The following GATA4 variants were observed in gnomAD, a reference collection of about 807,000 sequenced individuals.
GATA4 encodes the protein GATA binding protein 4.
In GATA4, 7 loss-of-function variants were observed where a neutral mutation model predicts 37.9. The observed-to-expected ratio is 0.18, with a 90% CI of 0.11 to 0.35. The LOEUF (loss-of-function observed/expected upper bound fraction) is 0.35, where lower values mean the gene tolerates loss of function less well. Ranked by LOEUF, GATA4 falls within the 10% of genes least tolerant of loss-of-function variation. GATA4 has a pLI of 1.00. For missense variants in GATA4, 647 were observed against 653.0 expected, an observed-to-expected ratio of 0.99 and a Z score of 0.10; for synonymous variants, 372 against 292.6, an observed-to-expected ratio of 1.27 and a Z score of -2.77.
At chr8:11,697,094 G>A (rs1020363360) in intron 1 of GATA4, among the ~76,000 whole-genome samples, 5 of 152,198 alleles carry the variant, frequency 3.3e-5, no homozygotes, top group African/African-American at 1.2e-4. Flanking sequence ...TAGGTGCGGA[G>A]GGCTCCATTT....
chr8:11,713,882 G>A (rs1272731848), intron 2 of GATA4, among the ~76,000 whole-genome samples: 7 of 152,202 alleles, frequency 4.6e-5, no homozygotes, highest in African/African-American at 1.7e-4. Context: ...GGACGTAGCC[G>A]GAGAACGTAG....
intron 2 of GATA4, among the ~76,000 whole-genome samples, chr8:11,729,687 C>T (rs1176678406): frequency 1.3e-5 from 2 of 152,178 alleles, no homozygotes; most frequent in African/African-American, 4.8e-5. Flanking sequence ...ATAAGTGAAT[C>T]ATTCCAGCTT....
intron 1 of GATA4, chr8:11,680,401 G>T: frequency 1.2e-6 from 1 of 864,138 alleles, no homozygotes; most frequent in Non-Finnish European, 1.4e-6. Flanking sequence ...CCACTTTCCC[G>T]CCCTCGGCCC....
intron 1 of GATA4, among the ~76,000 whole-genome samples, chr8:11,677,224 A>G (rs933960344): frequency 1.3e-5 from 2 of 152,150 alleles, no homozygotes; most frequent in African/African-American, 4.8e-5. Flanking sequence ...CGTGGGGCCG[A>G]GGCGGAGGCT....
At chr8:11,689,064 C>A (rs182270568), upstream of GATA4, among the ~76,000 whole-genome samples, 2 of 152,254 alleles carry the variant, frequency 1.3e-5, no homozygotes, top group Admixed American at 1.3e-4. Flanking sequence ...AACAAAGCAG[C>A]GGCAAATCCA....
upstream of GATA4, among the ~76,000 whole-genome samples, chr8:11,688,520 G>A (rs1288272538): frequency 6.4e-5 from 7 of 109,526 alleles, no homozygotes; most frequent in Admixed American, 9.9e-5. Context: ...GCGCGTGCGC[G>A]CATGCACACA....
chr8:11,688,080 G>C (rs1799197300), upstream of GATA4, among the ~76,000 whole-genome samples: 1 of 152,150 alleles, frequency 6.6e-6, no homozygotes, highest in African/African-American at 2.4e-5. Context: ...TATAGATTCA[G>C]CAGATAAGTA....
intron 1 of GATA4, among the ~76,000 whole-genome samples, chr8:11,704,926 G>A (rs1332667900): frequency 1.3e-5 from 2 of 152,364 alleles, no homozygotes; most frequent in African/African-American, 4.8e-5. Context: ...CACCCCACCT[G>A]CCCGCGCTGC....
chr8:11,729,769 T>G (rs2130195043), intron 2 of GATA4, among the ~76,000 whole-genome samples: 1 of 152,330 alleles, frequency 6.6e-6, no homozygotes, highest in Middle Eastern at 3.4e-3. Flanking sequence ...AATTTCCGCC[T>G]GGAAATGCAT....
At chr8:11,734,674 A>AT (rs1001116882) in intron 2 of GATA4, among the ~76,000 whole-genome samples, 1 of 152,042 alleles carries the variant, frequency 6.6e-6, no homozygotes, top group Non-Finnish European at 1.5e-5. Flanking sequence ...TTTAGTAGAG[A>AT]TGGGGGGGTT....
chr8:11,723,906 C>A (rs547754143), intron 2 of GATA4, among the ~76,000 whole-genome samples: 110 of 152,308 alleles, frequency 7.2e-4, no homozygotes, highest in Admixed American at 3.1e-3. Flanking sequence ...AACCATCACC[C>A]CCAGCAGTCT....
At position 11,758,393 on chromosome 8, in the gene GATA4, A is replaced by C. The variant is rs575307727; in HGVS notation, c.1250A>C (p.Gln417Pro). ...SPQGYASPVS[Q>P]SPQTSSKQDS... Reference sequence around the variant, plus strand: ...CAAGGCTATGCGTCTCCCGTCAGCCAGTCTCCACAGACCAGCTCCAAGCAG... The same window carrying C: ...CAAGGCTATGCGTCTCCCGTCAGCCCGTCTCCACAGACCAGCTCCAAGCAG... The change falls in exon 7 of 7, where the codon CAG (glutamine) becomes CCG (proline). Residue 417 changes from glutamine to proline, a missense_variant. Coordinates refer to ENST00000532059, the MANE Select transcript of GATA4 (RefSeq NM_001308093.3). 14 of 1,614,182 alleles carry C rather than the reference A, an allele frequency of 8.7e-6. No homozygotes were observed. In the South Asian group the frequency reaches 1.5e-4, roughly 18 times the overall value.
At chr8:11,715,404 AG>A (rs1800392445) in intron 2 of GATA4, among the ~76,000 whole-genome samples, 1 of 152,234 alleles carries the variant, frequency 6.6e-6, no homozygotes. Flanking sequence ...TTTAATAACA[AG>A]AAAATACATT....
chr8:11,748,213 C>T (rs913505643), intron 2 of GATA4, among the ~76,000 whole-genome samples: 1 of 151,862 alleles, frequency 6.6e-6, no homozygotes, highest in Non-Finnish European at 1.5e-5. Context: ...AGTGAAACTC[C>T]GTCTCAAAAA....
upstream of GATA4, chr8:11,692,038 C>T (rs1325147970): frequency 1.0e-6 from 1 of 985,324 alleles, no homozygotes; most frequent in African/African-American, 1.7e-5. Flanking sequence ...ATGATCCTCA[C>T]CTTAGTGTCA....
In GATA4 at chr8:11,756,971, G is replaced by T; in HGVS notation, c.1037G>T (p.Gly346Val). Residue 346 changes from glycine (G) to valine (V), a missense_variant, in exon 6 of 7, where the codon GGT becomes GTT. By Grantham distance (109) the Gly-to-Val change is moderately radical. Around this residue, in one of 5 missense-constraint regions of GATA4, gnomAD observed 184 missense variants for 157.1 expected, o/e 1.17. Transcript: ENST00000532059. The stretch of plus-strand genomic sequence containing the variant: ...AGTGAGAGCCTTCCTCCCGCCAGCG[G>T]TGCTTCCAGCAACTCCAGCAACGCC... ...SGSESLPPAS[G>V]ASSNSSNATT... The T allele has an allele frequency of 1.9e-6, 3 of 1,614,244 alleles. No individual in the cohort carries two copies. The highest frequency in any genetic ancestry group is 2.5e-6 in the Non-Finnish European group (3 of 1,180,046).
chr8:11,697,849 G>A (rs1017333932), intron 1 of GATA4: 3 of 985,492 alleles, frequency 3.0e-6, no homozygotes, highest in East Asian at 1.1e-4. Context: ...CGGGGCGGAG[G>A]AGGGAGCGGC....
intron 3 of GATA4, 62 bp from the exon 4 acceptor site, chr8:11,750,049 G>A (rs1802222758): frequency 6.8e-6 from 11 of 1,612,300 alleles, no homozygotes; most frequent in East Asian, 2.2e-5. Flanking sequence ...AGCCACACGC[G>A]AGGTGGAAGG....
chr8:11,727,952 C>T (rs553470886), intron 2 of GATA4, among the ~76,000 whole-genome samples: 3 of 152,310 alleles, frequency 2.0e-5, no homozygotes, highest in South Asian at 2.1e-4. Flanking sequence ...GCATAGTACT[C>T]GGCATGTAGT....
Sources: gnomAD v4.1 joint callset for allele counts (sites outside exome capture counted in the v4.1 genomes callset) on GRCh38, gnomAD v4.1.1 for gene constraint, gnomAD v4.1.1 regional missense constraint, MANE v1.5 for transcripts, NCBI Gene and HGNC (gene_info 2026-07-23, HGNC 2026-07-21) for gene names.